The following POGZ variants were observed in gnomAD, a reference collection of about 807,000 sequenced individuals.
POGZ encodes pogo transposable element with ZNF domain.
POGZ carries 17 observed loss-of-function variants against 134.6 expected under a neutral mutation model. The observed-to-expected ratio is 0.13, with a 90% CI of 0.09 to 0.19. The LOEUF (loss-of-function observed/expected upper bound fraction) is 0.19, where lower values mean the gene tolerates loss of function less well. POGZ is among the 10% of genes least tolerant of loss of function. The pLI is 1.00. For synonymous variants in POGZ, 693 were observed against 657.1 expected, an observed-to-expected ratio of 1.05 and a Z score of -0.84; for missense variants, 1,306 against 1,769.7, an observed-to-expected ratio of 0.74 and a Z score of 4.70.
chr1:151,444,158 T>G (rs1660949753), intron 1 of POGZ, among the ~76,000 whole-genome samples: 1 of 152,198 alleles, frequency 6.6e-6, no homozygotes. Context: ...TGGTCTTTAA[T>G]CTTCTATTTT....
intron 17 of POGZ, 58 bp from the exon 18 acceptor site, chr1:151,406,689 G>C: frequency 2.1e-6 from 3 of 1,432,798 alleles, no homozygotes; most frequent in East Asian, 2.3e-5. Flanking sequence ...GCCCTCCAAA[G>C]ACAGTGCCCT....
At chr1:151,428,480 T>G in intron 5 of POGZ, 67 bp from the exon 6 acceptor site, 1 of 1,362,080 alleles carries the variant, frequency 7.3e-7, no homozygotes, top group Admixed American at 1.8e-5. Flanking sequence ...TCTCCCTGCC[T>G]TTACTGGAAA....
chr1:151,455,755 T>C (rs1000596730), intron 1 of POGZ, among the ~76,000 whole-genome samples: 1 of 152,234 alleles, frequency 6.6e-6, no homozygotes, highest in African/African-American at 2.4e-5. Flanking sequence ...CAGTTACTTC[T>C]GCATTCAGTC....
chr1:151,423,681 T>C, intron 9 of POGZ, 130 bp from the exon 10 acceptor site: 2 of 758,602 alleles, frequency 2.6e-6, no homozygotes, highest in Non-Finnish European at 4.2e-6. Context: ...GTTTGGGATA[T>C]CCTTTTCTGA....
At position 151,408,120 on chromosome 1, in the gene POGZ, A is replaced by C; in HGVS notation, c.2355T>G (p.Ala785=). The change falls in exon 15 of 19, where the codon GCT becomes GCG. Residue 785 remains alanine, a synonymous_variant. Coordinates refer to ENST00000271715, the MANE Select transcript of POGZ (RefSeq NM_015100.4). ...LCRYSTCCSR[A]YANHMINNHV... ...CTTACTTGATCATGTGGTTGGCATAAGCTCGAGAACAGCAGGTGCTATAGC... is the reference window on the plus strand; with the variant it reads ...CTTACTTGATCATGTGGTTGGCATACGCTCGAGAACAGCAGGTGCTATAGC... 6.2e-7 allele frequency: 1 copy of C among 1,613,468 alleles called. No homozygotes were observed. The highest frequency in any genetic ancestry group is 1.1e-5 in the South Asian group (1 of 91,038).
In POGZ at chr1:151,423,844, T is replaced by G. The variant is rs531067428; in HGVS notation, c.1523+105A>C. 31 of 830,982 alleles carry G rather than the reference T, an allele frequency of 3.7e-5. No individual in the cohort carries two copies. The African/African-American group carries it at 5.2e-4, about 14-fold the overall frequency. 51.5% of individuals were successfully genotyped at this position (830,982 alleles called of 1,614,324 possible). Reference sequence around the variant, plus strand: ...GATTTAATGATAACCCCAGCAAGACTGCATAGTAGTTAGGTCCATTCTCCA... The same window carrying G: ...GATTTAATGATAACCCCAGCAAGACGGCATAGTAGTTAGGTCCATTCTCCA... On this transcript the variant is annotated intron_variant, in intron 9 of 18. Transcript: ENST00000271715.
rs4291502 is a variant in POGZ at position 151,440,704 on chromosome 1, A to G, written c.283+224T>C. On this transcript the variant is annotated intron_variant, in intron 3 of 18. Coordinates refer to ENST00000271715, the MANE Select transcript of POGZ (RefSeq NM_015100.4). ...AAGAAATTATCAATAGCAAGAATCT[A>G]CTGCTCTCTCACTTGAAACACCAGT... is the stretch of plus-strand genomic sequence containing the variant. 34,627 of 345,038 alleles carry G rather than the reference A, an allele frequency of 0.1. 1,980 individuals carry two copies. Among genetic ancestry groups the G allele is most frequent in the Middle Eastern group, 0.15 (194 of 1,334 alleles). The allele number at this position is 345,038 out of a possible 1,614,324, so 21.4% of individuals were successfully genotyped here.
chr1:151,426,031 T>C (rs527628571), intron 7 of POGZ, among the ~76,000 whole-genome samples: 14 of 152,214 alleles, frequency 9.2e-5, no homozygotes, highest in African/African-American at 3.4e-4. Flanking sequence ...TTATGGTTCT[T>C]TGATAGTAGC....
chr1:151,456,814 G>A (rs1662829020), intron 1 of POGZ, among the ~76,000 whole-genome samples: 1 of 152,186 alleles, frequency 6.6e-6, no homozygotes, highest in African/African-American at 2.4e-5. Context: ...GGGAGGAAGA[G>A]ATTGCAGTGA....
At chr1:151,415,043 G>C (rs1655380541) in intron 10 of POGZ, among the ~76,000 whole-genome samples, 3 of 152,112 alleles carry the variant, frequency 2.0e-5, no homozygotes, top group South Asian at 4.1e-4. Context: ...ATGAACAACT[G>C]TAACTTCTGC....
chr1:151,427,836 C>T lies in POGZ; in HGVS notation c.1065G>A (p.Glu355=), dbSNP rs202228689. The T allele has an allele frequency of 5.0e-6, 8 of 1,611,186 alleles. No homozygotes were observed. The highest frequency in any genetic ancestry group is 1.3e-5 in the African/African-American group (1 of 74,862). The stretch of plus-strand genomic sequence containing the variant: ...AGGTTATTGTACCTTTCATTGAAGA[C>T]TCAGGTCCGCTGGTTCTTTGAGAGC... The part of the protein sequence containing the change: ...AHGSQRTSGP[E]SSMKVTSSIP... Residue 355 remains glutamate (E), a synonymous_variant, in exon 7 of 19, where the codon GAG becomes GAA. Coordinates refer to ENST00000271715, the MANE Select transcript of POGZ (RefSeq NM_015100.4).
intron 3 of POGZ, among the ~76,000 whole-genome samples, chr1:151,440,519 C>T (rs1281125371): frequency 6.6e-6 from 1 of 152,168 alleles, no homozygotes; most frequent in Non-Finnish European, 1.5e-5. Context: ...CTTCCATACT[C>T]AGGAACCAAT....
intron 1 of POGZ, among the ~76,000 whole-genome samples, chr1:151,446,263 A>C (rs1316145609): frequency 1.6e-5 from 2 of 128,686 alleles, no homozygotes; most frequent in South Asian, 2.7e-4. Flanking sequence ...GGAAAAAAAA[A>C]AAAAAAAAAA....
At position 151,404,698 on chromosome 1, in the gene POGZ, T is replaced by C. The variant is rs558068815; in HGVS notation, c.*104A>G. 3.3e-5 allele frequency: 47 copies of C among 1,438,764 alleles called. No individual in the cohort carries two copies. The highest frequency in any genetic ancestry group is 2.7e-4 in the South Asian group (17 of 64,092). 89.1% of individuals were successfully genotyped at this position (1,438,764 alleles called of 1,614,324 possible). On this transcript the variant is annotated 3_prime_UTR_variant, in exon 19 of 19. Transcript: ENST00000271715. ...GGAGTGGTGGTATAAAATTAAAAAA[T>C]AGAAACCAAATACCCCACCTGGTAT...
At chr1:151,417,884 C>G (rs1047092791) in intron 10 of POGZ, among the ~76,000 whole-genome samples, 4 of 152,124 alleles carry the variant, frequency 2.6e-5, no homozygotes, top group African/African-American at 9.7e-5. Context: ...GGTATCTGCA[C>G]TCCCATGTTT....
intron 3 of POGZ, among the ~76,000 whole-genome samples, chr1:151,433,825 C>T (rs1445971208): frequency 6.6e-6 from 1 of 152,032 alleles, no homozygotes; most frequent in African/African-American, 2.4e-5. Context: ...TTACAAGGTT[C>T]TATTTCCAGA....
Position 151,403,917 on chromosome 1 carries a change from GTT to G in POGZ, c.*883_*884del. On this transcript the variant is annotated 3_prime_UTR_variant, in exon 19 of 19. Transcript: ENST00000271715. ...TGGGAATGGCTTCCACCCTAAAACT[GTT>G]TGATCGCTTCAGTATCTCTTGCTTG... is the stretch of plus-strand genomic sequence containing the variant. The G allele has an allele frequency of 1.0e-6, 1 of 985,430 alleles. No individual in the cohort carries two copies. Among genetic ancestry groups the G allele is most frequent in the Non-Finnish European group, 1.2e-6 (1 of 829,916 alleles). 61.0% of individuals were successfully genotyped at this position (985,430 alleles called of 1,614,324 possible).
intron 3 of POGZ, 101 bp from the exon 4 acceptor site, chr1:151,430,942 TATTTTATTTG>T (rs1658593087): frequency 2.0e-6 from 1 of 498,354 alleles, no homozygotes; most frequent in Admixed American, 5.7e-5. Flanking sequence ...TATTTTATTT[TATTTTATTTG>T]ATACAGGGTC....
At chr1:151,442,780 C>T (rs890994048) in intron 1 of POGZ, among the ~76,000 whole-genome samples, 2 of 151,608 alleles carry the variant, frequency 1.3e-5, no homozygotes, top group East Asian at 1.9e-4. Flanking sequence ...CTTGTAATCC[C>T]GGCATTTTGG....
Sources: gnomAD v4.1 joint callset for allele counts (sites outside exome capture counted in the v4.1 genomes callset) on GRCh38, gnomAD v4.1.1 for gene constraint, MANE v1.5 for transcripts, NCBI Gene and HGNC (gene_info 2026-07-23, HGNC 2026-07-21) for gene names.